ZKSCAN1: variants seen among roughly 807,000 people sequenced by gnomAD.
The protein encoded by ZKSCAN1 is zinc finger with KRAB and SCAN domains 1, also known as zinc finger protein with KRAB and SCAN domains 1.
Under a neutral mutation model 51.6 loss-of-function variants are expected in ZKSCAN1, and 14 were observed. The ratio of observed to expected loss-of-function variants is 0.27; its 90% confidence interval spans 0.18 to 0.42. The LOEUF (loss-of-function observed/expected upper bound fraction) is 0.42, where lower values mean the gene tolerates loss of function less well. ZKSCAN1 is among the 10% of genes least tolerant of loss of function. The pLI is 1.00. For synonymous variants in ZKSCAN1, 263 were observed against 261.5 expected, an observed-to-expected ratio of 1.01 and a Z score of -0.06; for missense variants, 531 against 710.0, an observed-to-expected ratio of 0.75 and a Z score of 2.86.
intron 1 of ZKSCAN1, among the ~76,000 whole-genome samples, chr7:100,016,354 A>C (rs1382441439): frequency 6.6e-6 from 1 of 152,124 alleles, no homozygotes; most frequent in African/African-American, 2.4e-5. Flanking sequence ...GCTTGATGGA[A>C]TGCTTTGAAG....
chr7:100,028,981 A>G (rs906773182), intron 3 of ZKSCAN1, among the ~76,000 whole-genome samples: 7 of 151,936 alleles, frequency 4.6e-5, no homozygotes, highest in African/African-American at 1.7e-4. Flanking sequence ...CCTGACCAAC[A>G]TGGAGAAACC....
intron 1 of ZKSCAN1, among the ~76,000 whole-genome samples, chr7:100,022,988 TAC>T (rs1790652729): frequency 6.6e-6 from 1 of 152,090 alleles, no homozygotes; most frequent in South Asian, 2.1e-4. Flanking sequence ...GTGGAGATTG[TAC>T]AGTTTTTTCC....
intron 1 of ZKSCAN1, among the ~76,000 whole-genome samples, chr7:100,021,095 T>G (rs1790567000): frequency 6.6e-6 from 1 of 151,166 alleles, no homozygotes; most frequent in Non-Finnish European, 1.5e-5. Context: ...AGAAAATATT[T>G]CCAAGTTTCT....
intron 1 of ZKSCAN1, among the ~76,000 whole-genome samples, chr7:100,018,622 C>T (rs906006462): frequency 1.3e-5 from 2 of 152,092 alleles, no homozygotes; most frequent in Admixed American, 6.6e-5. Flanking sequence ...CTCCTCACCT[C>T]GTGATCCGCC....
At chr7:100,029,342 C>A (rs761901890) in intron 3 of ZKSCAN1, among the ~76,000 whole-genome samples, 2 of 152,044 alleles carry the variant, frequency 1.3e-5, no homozygotes, top group Non-Finnish European at 2.9e-5. Context: ...TCACTGCAGC[C>A]TCGACCCCTT....
rs1327618183 is a variant in ZKSCAN1 at position 100,039,731 on chromosome 7, C to A, written c.*5534C>A. On this transcript the variant is annotated 3_prime_UTR_variant, in exon 6 of 6. Coordinates refer to ENST00000324306, the MANE Select transcript of ZKSCAN1 (RefSeq NM_003439.4). The stretch of plus-strand genomic sequence containing the variant: ...CTTAAACAGTGACAGCAGTACTTCC[C>A]AGGGTGGGGGCCATATTTCTCTGTG... The A allele has an allele frequency of 1.0e-6, 1 of 985,202 alleles. No homozygotes were observed. Among genetic ancestry groups the A allele is most frequent in the African/African-American group, 1.7e-5 (1 of 57,178 alleles). The allele number at this position is 985,202 out of a possible 1,614,324, so 61.0% of individuals were successfully genotyped here.
intron 3 of ZKSCAN1, among the ~76,000 whole-genome samples, chr7:100,029,455 C>G (rs937785370): frequency 1.3e-5 from 2 of 152,238 alleles, no homozygotes; most frequent in Non-Finnish European, 1.5e-5. Context: ...ATCCTGGTAT[C>G]GTTCCTTGGA....
chr7:100,026,083 G>C (rs1447646993), intron 3 of ZKSCAN1, among the ~76,000 whole-genome samples: 1 of 152,034 alleles, frequency 6.6e-6, no homozygotes, highest in Admixed American at 6.6e-5. Flanking sequence ...AGCCAGGCCT[G>C]GTGGCAGGTG....
rs1287134437 is a variant in ZKSCAN1 at position 100,036,715 on chromosome 7, CAAAA to C, written c.*2529_*2532del. 33 of 796,210 alleles carry C rather than the reference CAAAA, an allele frequency of 4.1e-5. No homozygotes were observed. The highest frequency in any genetic ancestry group is 4.8e-5 in the Non-Finnish European group (33 of 684,122). The allele number at this position is 796,210 out of a possible 1,614,324, so 49.3% of individuals were successfully genotyped here. On this transcript the variant is annotated 3_prime_UTR_variant, in exon 6 of 6. Transcript: ENST00000324306. ...CTGGGTGACTAGCAAAACTCCATCT[CAAAA>C]AAAAAAAAAAGAAAGAAAGAAACTG...
In ZKSCAN1 at chr7:100,038,043, G is replaced by A. The variant is rs1327777291; in HGVS notation, c.*3846G>A. 2.0e-6 allele frequency: 2 copies of A among 985,064 alleles called. No individual in the cohort carries two copies. Among genetic ancestry groups the A allele is most frequent in the Non-Finnish European group, 2.4e-6 (2 of 829,852 alleles). The allele number at this position is 985,064 out of a possible 1,614,324, so 61.0% of individuals were successfully genotyped here. A position where few individuals can be genotyped will look rare whatever the true frequency, so the allele number is the denominator to read the frequency against. On this transcript the variant is annotated 3_prime_UTR_variant, in exon 6 of 6. Transcript: ENST00000324306. ...TATCAAAAAAAAAAGTTGCGGGGGGGTGCTCAATCTTAACTGCAGAGGATC... is the reference window on the plus strand; with the variant it reads ...TATCAAAAAAAAAAGTTGCGGGGGGATGCTCAATCTTAACTGCAGAGGATC...
chr7:100,016,133 T>TC (rs1790350617), intron 1 of ZKSCAN1, among the ~76,000 whole-genome samples: 2 of 151,456 alleles, frequency 1.3e-5, no homozygotes, highest in African/African-American at 4.9e-5. Flanking sequence ...AGGTGTCTTT[T>TC]TCCCCCCCCG....
intron 5 of ZKSCAN1, among the ~76,000 whole-genome samples, chr7:100,032,025 GCTGTGCTCATGCCA>G (rs1224581384): frequency 1.2e-4 from 18 of 152,326 alleles, no homozygotes; most frequent in African/African-American, 4.3e-4. Context: ...GCTGCAGTGA[GCTGTGCTCATGCCA>G]CTGTACTCCA....
rs775572521 is a variant in ZKSCAN1 at position 100,038,827 on chromosome 7, C to T, written c.*4630C>T. 7.4e-5 allele frequency: 54 copies of T among 726,626 alleles called. No homozygotes were observed. The highest frequency in any genetic ancestry group is 8.4e-5 in the Non-Finnish European group (50 of 594,064). The allele number at this position is 726,626 out of a possible 1,614,324, so 45.0% of individuals were successfully genotyped here. A position where few individuals can be genotyped will look rare whatever the true frequency, so the allele number is the denominator to read the frequency against. Reference sequence around the variant, plus strand: ...TGGCTAACATGGCGAAACCCCGTCTCTACTAAAAATACAAAAAAATAGCTG... The same window carrying T: ...TGGCTAACATGGCGAAACCCCGTCTTTACTAAAAATACAAAAAAATAGCTG... On this transcript the variant is annotated 3_prime_UTR_variant, in exon 6 of 6. Transcript: ENST00000324306.
At chr7:100,031,350 TCA>T in intron 5 of ZKSCAN1, among the ~76,000 whole-genome samples, 1 of 140,958 alleles carries the variant, frequency 7.1e-6, no homozygotes, top group East Asian at 2.3e-4. Context: ...CGATCACAGC[TCA>T]CTGCAGCCTC....
chr7:100,021,431 A>G (rs1432305413), intron 1 of ZKSCAN1, among the ~76,000 whole-genome samples: 2 of 151,984 alleles, frequency 1.3e-5, no homozygotes, highest in African/African-American at 4.8e-5. Context: ...CCCAGCCCCA[A>G]GTTTCTAAAA....
rs1257614732 is a variant in ZKSCAN1 at position 100,038,610 on chromosome 7, T to C, written c.*4413T>C. 2 of 985,492 alleles carry C rather than the reference T, an allele frequency of 2.0e-6. No individual in the cohort carries two copies. Among genetic ancestry groups the C allele is most frequent in the East Asian group, 2.3e-4 (2 of 8,818 alleles). 61.0% of individuals were successfully genotyped at this position (985,492 alleles called of 1,614,324 possible). ...CATGAAGCGAGAGTAGGAAGTGTAC[T>C]GGAATGGCCAAGTGGGACTGCTTCA... On this transcript the variant is annotated 3_prime_UTR_variant, in exon 6 of 6. Transcript: ENST00000324306.
chr7:100,029,897 A>C lies in ZKSCAN1; in HGVS notation c.617A>C (p.Glu206Ala). 6.2e-7 allele frequency: 1 copy of C among 1,613,984 alleles called. No homozygotes were observed. Among genetic ancestry groups the C allele is most frequent in the Non-Finnish European group, 8.5e-7 (1 of 1,179,966 alleles). Reference sequence around the variant, plus strand: ...GCCCACATTCCTGCACCCCCTCATGAGGGTAGTCCCAGAGACCAGGCGATG... The same window carrying C: ...GCCCACATTCCTGCACCCCCTCATGCGGGTAGTCCCAGAGACCAGGCGATG... Reference protein sequence around the residue: ...PAAHIPAPPHEGSPRDQAMAS... With the variant: ...PAAHIPAPPHAGSPRDQAMAS... Residue 206 changes from glutamate (E) to alanine (A), a missense_variant, in exon 4 of 6, where the codon GAG becomes GCG. Transcript: ENST00000324306.
At chr7:100,025,362 T>C (rs1019334856) in intron 3 of ZKSCAN1, among the ~76,000 whole-genome samples, 1 of 150,978 alleles carries the variant, frequency 6.6e-6, no homozygotes, top group Non-Finnish European at 1.5e-5. Context: ...TTCTAGGTTA[T>C]TTTCAGAAAT....
Position 100,038,019 on chromosome 7 carries a change from A to G in ZKSCAN1, c.*3822A>G, listed in dbSNP as rs1424369320. On this transcript the variant is annotated 3_prime_UTR_variant, in exon 6 of 6. Transcript: ENST00000324306. ...CTTGAGTGACAGAGCGAGGCTCTGT[A>G]TCAAAAAAAAAAGTTGCGGGGGGGT... 4.1e-6 allele frequency: 4 copies of G among 984,894 alleles called. No individual in the cohort carries two copies. The highest frequency in any genetic ancestry group is 1.7e-5 in the African/African-American group (1 of 57,210). The allele number at this position is 984,894 out of a possible 1,614,324, so 61.0% of individuals were successfully genotyped here. A position where few individuals can be genotyped will look rare whatever the true frequency, so the allele number is the denominator to read the frequency against.
Sources: allele counts gnomAD v4.1 joint callset (sites outside exome capture counted in the v4.1 genomes callset), GRCh38; gene constraint gnomAD v4.1.1; transcripts MANE v1.5; gene names NCBI Gene and HGNC (gene_info 2026-07-23, HGNC 2026-07-21).